Variants in ATAD1 observed in about 807,000 individuals in gnomAD.
ATAD1 encodes ATPase family AAA domain containing 1.
ATAD1 carries 18 observed loss-of-function variants against 42.7 expected under a neutral mutation model. That is an observed-to-expected ratio of 0.42 (90% CI 0.29 to 0.63). The LOEUF (loss-of-function observed/expected upper bound fraction) is 0.63, where lower values mean the gene tolerates loss of function less well. ATAD1 is among the 20% of genes least tolerant of loss of function. The pLI, the probability that ATAD1 is intolerant of heterozygous loss-of-function variation, is 0.19. For synonymous variants in ATAD1, 132 were observed against 143.1 expected (o/e 0.92, Z 0.55); for missense variants, 294 against 440.4 (o/e 0.67, Z 2.98).
At chr10:87,769,582 T>C (rs1448221184) in intron 7 of ATAD1, among the ~76,000 whole-genome samples, 1 of 152,218 alleles carries the variant, frequency 6.6e-6, no homozygotes, top group Non-Finnish European at 1.5e-5. Context: ...AACAGAATTC[T>C]TCAAGGACCA....
At chr10:87,823,491 A>T (rs2132097531) in intron 1 of ATAD1, among the ~76,000 whole-genome samples, 1 of 152,340 alleles carries the variant, frequency 6.6e-6, no homozygotes, top group South Asian at 2.1e-4. Context: ...TAAGGCGTAG[A>T]TGAAAGAGTG....
chr10:87,756,127 G>T (rs1226282309), intron 9 of ATAD1, among the ~76,000 whole-genome samples: 2 of 152,150 alleles, frequency 1.3e-5, no homozygotes, highest in Non-Finnish European at 2.9e-5. Context: ...GGAAGGTGAG[G>T]AAGGGAGACC....
At chr10:87,830,821 C>A (rs1433381919) in intron 1 of ATAD1, among the ~76,000 whole-genome samples, 1 of 152,078 alleles carries the variant, frequency 6.6e-6, no homozygotes, top group Non-Finnish European at 1.5e-5. Flanking sequence ...AAGAATGATG[C>A]CTCTTTTTTC....
At chr10:87,808,443 G>A (rs1214561356) in intron 2 of ATAD1, among the ~76,000 whole-genome samples, 2 of 152,068 alleles carry the variant, frequency 1.3e-5, no homozygotes, top group Non-Finnish European at 2.9e-5. Flanking sequence ...TTTAGTAAAT[G>A]CATTTTATCA....
In ATAD1 at chr10:87,780,111, T is replaced by C. The variant is rs145630915; in HGVS notation, c.584-3684A>G. ...AAAAACTAACTGTGGTACATCTACA[T>C]AATAGAATATTATTTAGCAATAAAA... On this transcript the variant is annotated intron_variant, in intron 5 of 9. Coordinates refer to ENST00000680024, the MANE Select transcript of ATAD1 (RefSeq NM_001321967.2). 6.3e-3 allele frequency among the ~76,000 whole-genome samples: 961 copies of C among 152,284 alleles called. 24 individuals are homozygous for C. Among genetic ancestry groups the C allele is most frequent in the Admixed American group, 0.039 (597 of 15,284 alleles).
intron 1 of ATAD1, among the ~76,000 whole-genome samples, chr10:87,839,626 A>C (rs930174871): frequency 6.6e-6 from 1 of 152,174 alleles, no homozygotes; most frequent in African/African-American, 2.4e-5. Context: ...AGACTCTAGA[A>C]TAGATCAGTG....
intron 2 of ATAD1, among the ~76,000 whole-genome samples, chr10:87,801,332 C>CT (rs570545820): frequency 7.9e-5 from 12 of 151,798 alleles, no homozygotes; most frequent in Non-Finnish European, 1.5e-4. Context: ...TAAATTATGT[C>CT]TTTTTTTTGA....
chr10:87,771,113 C>A, intron 6 of ATAD1, 72 bp from the exon 7 acceptor site: 1 of 1,174,708 alleles, frequency 8.5e-7, no homozygotes. Flanking sequence ...ATTACTAGGG[C>A]TTAGTTTTAA....
At chr10:87,785,555 C>T (rs1029487474) in intron 4 of ATAD1, among the ~76,000 whole-genome samples, 3 of 150,764 alleles carry the variant, frequency 2.0e-5, no homozygotes, top group Non-Finnish European at 4.4e-5. Flanking sequence ...TAATTCAAAG[C>T]TCAACTTTTC....
intron 1 of ATAD1, among the ~76,000 whole-genome samples, chr10:87,825,455 G>A (rs985864956): frequency 5.3e-5 from 8 of 151,688 alleles, no homozygotes; most frequent in East Asian, 3.9e-4. Flanking sequence ...GACTACAGGC[G>A]CCCGCCACCA....
chr10:87,760,483 C>T (rs907660337), intron 8 of ATAD1, among the ~76,000 whole-genome samples: 1 of 152,168 alleles, frequency 6.6e-6, no homozygotes, highest in Non-Finnish European at 1.5e-5. Flanking sequence ...GCTTGTGGAA[C>T]GGTGAGTCAA....
intron 1 of ATAD1, among the ~76,000 whole-genome samples, chr10:87,828,867 A>T (rs1022033563): frequency 9.9e-5 from 15 of 152,224 alleles, no homozygotes; most frequent in African/African-American, 2.9e-4. Flanking sequence ...TGCTTTATAA[A>T]TGGAACAACA....
At position 87,802,014 on chromosome 10, in the gene ATAD1, A is replaced by G. The variant is rs12258586; in HGVS notation, c.163-9259T>C. 8.2e-3 allele frequency among the ~76,000 whole-genome samples: 1,249 copies of G among 152,324 alleles called. 12 individuals carry two copies. Among genetic ancestry groups the G allele is most frequent in the African/African-American group, 0.029 (1,192 of 41,578 alleles). The stretch of plus-strand genomic sequence containing the variant: ...TTTTGCACTATTGACAGCTTCTAAC[A>G]ATTCAGTAGACTCCTATGAACAAAA... On this transcript the variant is annotated intron_variant, in intron 2 of 9. Coordinates refer to ENST00000680024, the MANE Select transcript of ATAD1 (RefSeq NM_001321967.2).
chr10:87,757,299 A>G (rs1854270709), intron 8 of ATAD1, among the ~76,000 whole-genome samples: 1 of 151,746 alleles, frequency 6.6e-6, no homozygotes, highest in African/African-American at 2.4e-5. Context: ...AAAACACTCA[A>G]CATTCCTTTT....
At chr10:87,782,467 G>A (rs371234348) in intron 5 of ATAD1, among the ~76,000 whole-genome samples, 2 of 152,078 alleles carry the variant, frequency 1.3e-5, no homozygotes, top group East Asian at 3.8e-4. Context: ...AATTAATATC[G>A]AAGGTAGAAG....
chr10:87,808,726 T>C (rs1009190976), intron 2 of ATAD1, among the ~76,000 whole-genome samples: 1 of 152,228 alleles, frequency 6.6e-6, no homozygotes, highest in African/African-American at 2.4e-5. Context: ...TGATTTCCCA[T>C]CCCTTAAATG....
chr10:87,825,059 T>C (rs897365522), intron 1 of ATAD1, among the ~76,000 whole-genome samples: 1 of 152,226 alleles, frequency 6.6e-6, no homozygotes, highest in African/African-American at 2.4e-5. Flanking sequence ...CATTCTTTGC[T>C]TTTATGAATT....
intron 2 of ATAD1, among the ~76,000 whole-genome samples, chr10:87,798,733 A>T (rs2131980637): frequency 6.6e-6 from 1 of 151,812 alleles, no homozygotes. Flanking sequence ...CTCTTAGCAC[A>T]CTAGACGTTT....
intron 2 of ATAD1, among the ~76,000 whole-genome samples, chr10:87,802,980 T>C (rs1474271339): frequency 6.6e-6 from 1 of 152,216 alleles, no homozygotes; most frequent in East Asian, 1.9e-4. Flanking sequence ...TAAGCTGTGC[T>C]TTCTTAATGC....
Sources: allele counts gnomAD v4.1 joint callset (sites outside exome capture counted in the v4.1 genomes callset), GRCh38; gene constraint gnomAD v4.1.1; transcripts MANE v1.5; gene names NCBI Gene and HGNC (gene_info 2026-07-23, HGNC 2026-07-21).